Variants in LPCAT2 observed in about 807,000 individuals in gnomAD.
LPCAT2 encodes the protein lysophosphatidylcholine acyltransferase 2.
A neutral mutation model predicts 64.7 loss-of-function variants in LPCAT2; 58 were observed. The observed-to-expected ratio is 0.90, with a 90% CI of 0.73 to 1.12. The LOEUF is 1.12. Among genes scored for constraint, LPCAT2 ranks in the 50% most tolerant of loss-of-function variants. The pLI is 0.00. For missense variants in LPCAT2, 579 were observed against 669.8 expected (o/e 0.86, Z 1.50); for synonymous variants, 252 against 245.3 (o/e 1.03, Z -0.26).
At chr16:55,520,464 A>G (rs1379645481) in intron 1 of LPCAT2, among the ~76,000 whole-genome samples, 1 of 152,042 alleles carries the variant, frequency 6.6e-6, no homozygotes, top group Non-Finnish European at 1.5e-5. Flanking sequence ...TGACAGAACA[A>G]TCAAACCAAA....
At chr16:55,571,746 A>T (rs766875797) in intron 11 of LPCAT2, among the ~76,000 whole-genome samples, 46 of 152,206 alleles carry the variant, frequency 3.0e-4, no homozygotes, top group Non-Finnish European at 5.9e-4. Context: ...AATTAAAAAA[A>T]TAGTATATTT....
chr16:55,512,608 T>C (rs1196156845), intron 1 of LPCAT2, among the ~76,000 whole-genome samples: 1 of 152,210 alleles, frequency 6.6e-6, no homozygotes, highest in Non-Finnish European at 1.5e-5. Flanking sequence ...AGGGAGCCCC[T>C]AAATTGGCAT....
chr16:55,583,341 T>C lies in LPCAT2; in HGVS notation c.*243T>C. 1 of 350,890 alleles carries C rather than the reference T, an allele frequency of 2.8e-6. No individual in the cohort carries two copies. The highest frequency in any genetic ancestry group is 5.3e-5 in the South Asian group (1 of 18,744). 21.7% of individuals were successfully genotyped at this position (350,890 alleles called of 1,614,324 possible). ...TACTGATTCATTTACTGGTGATACA[T>C]ATGTTTTTATGGATTTTCCAGTTTA... On this transcript the variant is annotated 3_prime_UTR_variant, in exon 14 of 14. Coordinates refer to ENST00000262134, the MANE Select transcript of LPCAT2 (RefSeq NM_017839.5).
Position 55,586,330 on chromosome 16 carries a change from C to T in LPCAT2, c.*3232C>T, listed in dbSNP as rs1294402688. On this transcript the variant is annotated 3_prime_UTR_variant, in exon 14 of 14. Coordinates refer to ENST00000262134, the MANE Select transcript of LPCAT2 (RefSeq NM_017839.5). ...CAAGCCACATGTTCTAACAAATTGTCTCCATCGCACTTCAACAGCCAGGTC... is the reference window on the plus strand; with the variant it reads ...CAAGCCACATGTTCTAACAAATTGTTTCCATCGCACTTCAACAGCCAGGTC... 3 of 152,130 alleles carry T rather than the reference C, an allele frequency of 2.0e-5. No homozygotes were observed. The highest frequency in any genetic ancestry group is 7.2e-5 in the African/African-American group (3 of 41,434). The allele number at this position is 152,130 out of a possible 1,614,324, so 9.4% of individuals were successfully genotyped here. A position where few individuals can be genotyped will look rare whatever the true frequency, so the allele number is the denominator to read the frequency against.
At chr16:55,511,387 T>A (rs2142385323) in intron 1 of LPCAT2, among the ~76,000 whole-genome samples, 1 of 152,256 alleles carries the variant, frequency 6.6e-6, no homozygotes, top group South Asian at 2.1e-4. Flanking sequence ...AAAAACAATG[T>A]CCATATTATC....
intron 11 of LPCAT2, among the ~76,000 whole-genome samples, chr16:55,558,713 A>G (rs748719569): frequency 1.6e-4 from 24 of 152,316 alleles, no homozygotes; most frequent in Non-Finnish European, 3.1e-4. Context: ...ACTATTATAG[A>G]GCAGAAATGG....
intron 12 of LPCAT2, among the ~76,000 whole-genome samples, chr16:55,578,340 G>T (rs1211737439): frequency 6.6e-6 from 1 of 152,052 alleles, no homozygotes; most frequent in Non-Finnish European, 1.5e-5. Context: ...AACCTATCTA[G>T]GTCTAATTCT....
At chr16:55,570,441 T>C in intron 11 of LPCAT2, among the ~76,000 whole-genome samples, 1 of 152,010 alleles carries the variant, frequency 6.6e-6, no homozygotes. Flanking sequence ...CTGGGCAACA[T>C]GGCAAAACCC....
At chr16:55,560,572 A>G (rs1168063561) in intron 11 of LPCAT2, among the ~76,000 whole-genome samples, 1 of 152,152 alleles carries the variant, frequency 6.6e-6, no homozygotes, top group East Asian at 1.9e-4. Context: ...TATAGGCACC[A>G]GAAGGAAACT....
chr16:55,532,030 G>A (rs1448926896), intron 5 of LPCAT2, 56 bp downstream of exon 5: 2 of 1,111,684 alleles, frequency 1.8e-6, no homozygotes, highest in Non-Finnish European at 2.7e-6. Flanking sequence ...TTTTGCAAAT[G>A]ATTTTATAGA....
intron 11 of LPCAT2, among the ~76,000 whole-genome samples, chr16:55,553,237 CAA>C (rs112237688): frequency 8.9e-4 from 129 of 144,318 alleles, no homozygotes; most frequent in East Asian, 5.4e-3. Context: ...AACTCCATCT[CAA>C]AAAAAAAAAA....
At chr16:55,555,573 CT>C (rs1456100066) in intron 11 of LPCAT2, among the ~76,000 whole-genome samples, 1 of 152,070 alleles carries the variant, frequency 6.6e-6, no homozygotes, top group Non-Finnish European at 1.5e-5. Context: ...GGGCTTTTTT[CT>C]TTTTTCCCAG....
At chr16:55,551,250 T>C in intron 11 of LPCAT2, 148 bp downstream of exon 11, 1 of 515,280 alleles carries the variant, frequency 1.9e-6, no homozygotes, top group Non-Finnish European at 3.2e-6. Flanking sequence ...TTTGTTTTTT[T>C]CTCCTTAATA....
intron 4 of LPCAT2, among the ~76,000 whole-genome samples, chr16:55,530,773 A>G (rs1963242559): frequency 6.6e-6 from 1 of 152,140 alleles, no homozygotes; most frequent in African/African-American, 2.4e-5. Context: ...CAAAGACTAT[A>G]TCTAGGACTG....
chr16:55,566,833 G>A (rs1486959954), intron 11 of LPCAT2: 2 of 1,613,740 alleles, frequency 1.2e-6, no homozygotes, highest in African/African-American at 2.7e-5. Flanking sequence ...TTTGGAGGAG[G>A]TGGTCAGAGA....
intron 11 of LPCAT2, among the ~76,000 whole-genome samples, chr16:55,560,195 A>G (rs991962693): frequency 6.6e-6 from 1 of 152,180 alleles, no homozygotes; most frequent in Non-Finnish European, 1.5e-5. Context: ...GTGACAGTCC[A>G]AGATGATAAG....
intron 12 of LPCAT2, among the ~76,000 whole-genome samples, chr16:55,577,091 A>C (rs1456982070): frequency 6.6e-6 from 1 of 152,120 alleles, no homozygotes; most frequent in African/African-American, 2.4e-5. Flanking sequence ...AAGGCGCATG[A>C]AGAGCCTGAG....
chr16:55,541,519 TAC>T (rs146753997), intron 8 of LPCAT2: 123 of 152,810 alleles, frequency 8.0e-4, no homozygotes, highest in South Asian at 1.8e-3. Flanking sequence ...ATCATACAAC[TAC>T]ACACACACAC....
intron 1 of LPCAT2, among the ~76,000 whole-genome samples, chr16:55,512,344 C>G (rs116114412): frequency 6.6e-6 from 1 of 152,104 alleles, no homozygotes; most frequent in Non-Finnish European, 1.5e-5. Flanking sequence ...AAAAACTACA[C>G]GAAGGCACTA....
Sources: allele counts gnomAD v4.1 joint callset (sites outside exome capture counted in the v4.1 genomes callset), GRCh38; gene constraint gnomAD v4.1.1; transcripts MANE v1.5; gene names NCBI Gene and HGNC (gene_info 2026-07-23, HGNC 2026-07-21).